Variants in SLC4A11 observed in about 807,000 individuals in gnomAD.
The protein encoded by SLC4A11 is bicarbonate transporter related protein 1.
SLC4A11 carries 74 observed loss-of-function variants against 95.0 expected under a neutral mutation model. That is an observed-to-expected ratio of 0.78 (90% CI 0.65 to 0.95). The LOEUF (loss-of-function observed/expected upper bound fraction) is 0.95. Ranked by LOEUF, SLC4A11 falls within the 40% of genes least tolerant of loss-of-function variation. The probability of loss-of-function intolerance (pLI) is 0.00; values close to 1 mark genes in which losing one functional copy is unlikely to be tolerated. For missense variants in SLC4A11, 1,081 were observed against 1,192.4 expected (o/e 0.91, Z 1.38); for synonymous variants, 548 against 519.0 (o/e 1.06, Z -0.76).
rs2067702798 is a variant in SLC4A11 at position 3,230,104 on chromosome 20, A to G, written c.1489+83T>C. ...CACACACTCAGCTTGAGCCAGTCCT[A>G]TGTGCCCCCAGCCAGGGGCAGTGCA... On this transcript the variant is annotated intron_variant, in intron 13 of 19. Transcript: ENST00000642402. 1.0e-5 allele frequency: 15 copies of G among 1,468,948 alleles called. 1 individual carries two copies. The East Asian group carries it at 2.0e-4, about 20-fold the overall frequency. 91.0% of individuals were successfully genotyped at this position (1,468,948 alleles called of 1,614,324 possible). A position where few individuals can be genotyped will look rare whatever the true frequency, so the allele number is the denominator to read the frequency against.
rs935927562 is a variant in SLC4A11, at chr20:3,231,529, A to T, written c.749T>A (p.Met250Lys). ...PPKMKSTKTA[M>K]EVARTFATMF... is the part of the protein sequence containing the mutation. ...GGTGGCAAACGTGCGCGCCACCTCC[A>T]TCGCAGTCTTAGTGCTTTTCTAGGG... is the stretch of plus-strand genomic sequence containing the variant. Residue 250 changes from methionine to lysine, a missense_variant, in exon 8 of 20, where the codon ATG becomes AAG. Physicochemically the swap from Met to Lys is moderately conservative, Grantham distance 95 (BLOSUM62 -1). Around this residue, in one of 3 missense-constraint regions of SLC4A11, gnomAD observed 767 missense variants for 858.0 expected, o/e 0.89. Coordinates refer to ENST00000642402, the MANE Select transcript of SLC4A11 (RefSeq NM_001174089.2). The surrounding 1 kb of genome is among the most constrained non-coding windows in gnomAD (Gnocchi z 5.2). 4 of 1,613,694 alleles carry T rather than the reference A, an allele frequency of 2.5e-6. No individual in the cohort carries two copies. In the Admixed American group the frequency reaches 5.0e-5, roughly 20 times the overall value.
chr20:3,234,759 A>G lies in SLC4A11; in HGVS notation c.224T>C (p.Met75Thr). Residue 75 changes from methionine (M) to threonine (T), a missense_variant, in exon 3 of 20, where the codon ATG (methionine) becomes ACG (threonine). By Grantham distance (81) the Met-to-Thr change is moderately conservative. Around this residue, in one of 3 missense-constraint regions of SLC4A11, gnomAD observed 310 missense variants for 313.5 expected, o/e 0.99. Coordinates refer to ENST00000642402, the MANE Select transcript of SLC4A11 (RefSeq NM_001174089.2). This position sits in a 1 kb window ranked among gnomAD's most constrained non-coding sequence, Gnocchi z 5.8. ...IRFFVNVNLE[M>T]QATNTENEAT... ...CCCCATACCAGTGTTGGTGGCCTGC[A>G]TCTCAAGGTTGACATTGACAAAAAA... 6.2e-7 allele frequency: 1 copy of G among 1,614,010 alleles called. No individual in the cohort carries two copies. Among genetic ancestry groups the G allele is most frequent in the Non-Finnish European group, 8.5e-7 (1 of 1,180,004 alleles).
intron 1 of SLC4A11, chr20:3,238,165 A>C: frequency 2.8e-6 from 4 of 1,442,828 alleles, no homozygotes; most frequent in East Asian, 2.5e-5. Context: ...GCCGCCTGGA[A>C]GCCAGAGCCG....
Position 3,228,338 on chromosome 20 carries a change from G to A in SLC4A11, c.2479C>T (p.Leu827=), listed in dbSNP as rs772669089. 1 of 1,613,024 alleles carries A rather than the reference G, an allele frequency of 6.2e-7. No homozygotes were observed. Among genetic ancestry groups the A allele is most frequent in the Non-Finnish European group, 8.5e-7 (1 of 1,179,810 alleles). The change falls in exon 19 of 20, where the codon CTG becomes TTG. Residue 827 remains leucine, a synonymous_variant. Transcript: ENST00000642402. ...AGGGAGCTCATGCCGAAGGCACACA[G>A]CAGCAGCAGCTGAAGCACCTGCAGG... is the stretch of plus-strand genomic sequence containing the variant. ...TGLQVLQLLL[L]CAFGMSSLPY... is the part of the protein sequence containing the mutation.
chr20:3,230,136 C>T (rs1032888072), intron 13 of SLC4A11, 51 bp downstream of exon 13: 1 of 1,597,208 alleles, frequency 6.3e-7, no homozygotes, highest in Non-Finnish European at 8.6e-7. Context: ...TGCAGAACCT[C>T]CCATCTCGGC....
rs760553898 is a variant in SLC4A11 at position 3,239,155 on chromosome 20, A to G, written c.-18T>C. 207 of 1,453,586 alleles carry G rather than the reference A, an allele frequency of 1.4e-4. 1 individual carries two copies. In the South Asian group the frequency reaches 2.0e-3, roughly 14 times the overall value. 90.0% of individuals were successfully genotyped at this position (1,453,586 alleles called of 1,614,324 possible). On this transcript the variant is annotated 5_prime_UTR_variant, in exon 1 of 20. Transcript: ENST00000642402. ...GCGGCCATGGCACACTCGCGCACTC[A>G]CGGCCGGGCTCCTCACGCGGCGCTC...
In SLC4A11 at chr20:3,231,598, C is replaced by G. The variant is rs369003398; in HGVS notation, c.730-50G>C. The G allele has an allele frequency of 1.7e-5, 27 of 1,571,562 alleles. No homozygotes were observed. The South Asian group carries it at 2.8e-4, about 16-fold the overall frequency. ...CCCTAGAAACAGAGGAGGCCCTGCC[C>G]GGGCCGAGCAGGTGAAGGTGCTCTC... On this transcript the variant is annotated intron_variant, in intron 7 of 19. Transcript: ENST00000642402. This position sits in a 1 kb window ranked among gnomAD's most constrained non-coding sequence, Gnocchi z 5.2.
chr20:3,235,930 C>T (rs2067967460), intron 2 of SLC4A11, among the ~76,000 whole-genome samples: 1 of 152,102 alleles, frequency 6.6e-6, no homozygotes, highest in Admixed American at 6.5e-5. Context: ...CCAGGAAGTC[C>T]TCCTAGATCC....
Position 3,229,162 on chromosome 20 carries a change from G to A in SLC4A11, c.1951C>T (p.Leu651=), listed in dbSNP as rs781434429. 6.2e-6 allele frequency: 10 copies of A among 1,610,934 alleles called. No homozygotes were observed. Among genetic ancestry groups the A allele is most frequent in the Non-Finnish European group, 7.6e-6 (9 of 1,179,750 alleles). The change falls in exon 16 of 20, where the codon CTG becomes TTG. Residue 651 remains leucine (L), a synonymous_variant. Coordinates refer to ENST00000642402, the MANE Select transcript of SLC4A11 (RefSeq NM_001174089.2). ...AVSGAMGLGF[L]LSMLFFIEQN... The stretch of plus-strand genomic sequence containing the variant: ...TCGATGAAGAAGAGCATGGACAGCA[G>A]GAAGCCGAGGCCCATGGCACCGCTG...
chr20:3,237,548 A>C lies in SLC4A11; in HGVS notation c.84T>G (p.Asp28Glu). The part of the protein sequence containing the change: ...PTMSQNGYFE[D>E]SSYYKCDTDD... The stretch of plus-strand genomic sequence containing the variant: ...CACTCCCCGAGAGGTACTCACTTGA[A>C]TCCTCGAAGTATCCATTCTGCGACA... The change falls in exon 2 of 20, where the codon GAT becomes GAG. Residue 28 changes from aspartate to glutamate, a missense_variant. This residue lies in a region of SLC4A11 where 310 missense variants were observed against 313.5 expected (regional missense o/e 0.99). Coordinates refer to ENST00000642402, the MANE Select transcript of SLC4A11 (RefSeq NM_001174089.2). 3.1e-6 allele frequency: 5 copies of C among 1,614,018 alleles called. No homozygotes were observed. The highest frequency in any genetic ancestry group is 4.2e-6 in the Non-Finnish European group (5 of 1,179,998).
At chr20:3,238,009 C>T (rs1347744231) in intron 1 of SLC4A11, 2 of 1,545,882 alleles carry the variant, frequency 1.3e-6, no homozygotes, top group African/African-American at 1.4e-5. Flanking sequence ...CGGGGGATCT[C>T]TCTGCACATC....
chr20:3,237,340 GAAT>G, intron 2 of SLC4A11, among the ~76,000 whole-genome samples: 1 of 151,032 alleles, frequency 6.6e-6, no homozygotes, highest in Non-Finnish European at 1.5e-5. Flanking sequence ...TAGCCCAGGA[GAAT>G]GGGCAGCCTG....
At chr20:3,236,944 G>A (rs1039340262) in intron 2 of SLC4A11, among the ~76,000 whole-genome samples, 1 of 152,144 alleles carries the variant, frequency 6.6e-6, no homozygotes, top group African/African-American at 2.4e-5. Context: ...CTGCCCACCA[G>A]CAGCCTAGCA....
At chr20:3,238,049 G>A (rs1029056804) in intron 1 of SLC4A11, 8 of 1,496,592 alleles carry the variant, frequency 5.3e-6, no homozygotes, top group Middle Eastern at 2.0e-4. Context: ...CGGTCCTGGG[G>A]GCCATAAACG....
chr20:3,236,352 G>A (rs1054372786), intron 2 of SLC4A11, among the ~76,000 whole-genome samples: 55 of 152,298 alleles, frequency 3.6e-4, no homozygotes, highest in African/African-American at 1.2e-3. Context: ...CAAGGCAGGC[G>A]GATCACGAGG....
At chr20:3,229,830 G>A in intron 13 of SLC4A11, 54 bp from the exon 14 acceptor site, 2 of 1,611,862 alleles carry the variant, frequency 1.2e-6, no homozygotes, top group South Asian at 2.2e-5. Context: ...GCAGGGGGAG[G>A]CCCTGGAGGG....
rs747289974 is a variant in SLC4A11 at position 3,228,977 on chromosome 20, G to C, written c.2053C>G (p.Leu685Val). 2.5e-6 allele frequency: 4 copies of C among 1,613,786 alleles called. No individual in the cohort carries two copies. The East Asian group carries it at 8.9e-5, about 36-fold the overall frequency. ...CCTGTGTTGATGATGGCGAGGAGCA[G>C]GAGGTCCCAGTGGTAGGCAGTGCCC... is the stretch of plus-strand genomic sequence containing the variant. ...VKGTAYHWDLLLLAIINTGLS... is the reference protein window; with the variant it reads ...VKGTAYHWDLVLLAIINTGLS... The change falls in exon 17 of 20, where the codon CTG (leucine) becomes GTG (valine). Residue 685 changes from leucine to valine, a missense_variant. Coordinates refer to ENST00000642402, the MANE Select transcript of SLC4A11 (RefSeq NM_001174089.2).
At chr20:3,235,961 G>C (rs866100917) in intron 2 of SLC4A11, among the ~76,000 whole-genome samples, 1 of 152,100 alleles carries the variant, frequency 6.6e-6, no homozygotes, top group Non-Finnish European at 1.5e-5. Context: ...CCTGGCCACT[G>C]GCAGCCCTTC....
In SLC4A11 at chr20:3,237,402, T is replaced by C. The variant is rs2068015194; in HGVS notation, c.88+142A>G. 3.4e-6 allele frequency: 3 copies of C among 877,582 alleles called. No homozygotes were observed. The South Asian group carries it at 4.0e-5, about 12-fold the overall frequency. 54.4% of individuals were successfully genotyped at this position (877,582 alleles called of 1,614,324 possible). ...CGCCCATGTCTAGCTTCCCGAAGAG[T>C]GGAAGCCAAAAGCATTCCAGCACTA... On this transcript the variant is annotated intron_variant, in intron 2 of 19. Coordinates refer to ENST00000642402, the MANE Select transcript of SLC4A11 (RefSeq NM_001174089.2).
Sources: gnomAD v4.1 joint callset for allele counts (sites outside exome capture counted in the v4.1 genomes callset) on GRCh38, gnomAD v4.1.1 for gene constraint, gnomAD v4.1.1 regional missense constraint, Gnocchi (gnomAD v3.1) non-coding constraint, MANE v1.5 for transcripts, NCBI Gene and HGNC (gene_info 2026-07-23, HGNC 2026-07-21) for gene names.